SYT1: variants seen among roughly 807,000 people sequenced by gnomAD.
The protein encoded by SYT1 is synaptotagmin 1.
SYT1 carries 8 observed loss-of-function variants against 44.8 expected under a neutral mutation model. That is an observed-to-expected ratio of 0.18 (90% CI 0.10 to 0.32). The LOEUF (loss-of-function observed/expected upper bound fraction) is 0.32, where lower values mean the gene tolerates loss of function less well. Ranked by LOEUF, SYT1 falls within the 10% of genes least tolerant of loss-of-function variation. SYT1 has a pLI of 1.00. For missense variants in SYT1, 286 were observed against 509.3 expected, an observed-to-expected ratio of 0.56 and a Z score of 4.22; for synonymous variants, 154 against 188.8, an observed-to-expected ratio of 0.82 and a Z score of 1.51.
chr12:79,398,158 A>G (rs569154784), intron 9 of SYT1, among the ~76,000 whole-genome samples: 2 of 152,298 alleles, frequency 1.3e-5, no homozygotes, highest in Admixed American at 1.3e-4. Flanking sequence ...AGTCTGATCC[A>G]CAGAATAAGG....
chr12:79,233,083 T>C (rs930046698), intron 4 of SYT1, among the ~76,000 whole-genome samples: 7 of 152,212 alleles, frequency 4.6e-5, no homozygotes, highest in Non-Finnish European at 7.3e-5. Flanking sequence ...AAAATGTTCA[T>C]TGTTTATTTT....
chr12:79,255,636 ACT>A (rs1877471261), intron 4 of SYT1, among the ~76,000 whole-genome samples: 1 of 152,142 alleles, frequency 6.6e-6, no homozygotes, highest in South Asian at 2.1e-4. Flanking sequence ...ACAATTCAGC[ACT>A]CTCTTAGCAA....
chr12:79,118,012 T>C (rs193265229), intron 3 of SYT1, among the ~76,000 whole-genome samples: 199 of 152,156 alleles, frequency 1.3e-3, no homozygotes, highest in Non-Finnish European at 2.0e-3. Flanking sequence ...TTAGCAAATC[T>C]GTAGCACAGA....
chr12:79,338,032 T>C (rs569483669), intron 8 of SYT1, among the ~76,000 whole-genome samples: 35 of 152,278 alleles, frequency 2.3e-4, no homozygotes, highest in African/African-American at 8.2e-4. Context: ...ACAAAGCAAC[T>C]TGGTAAAAGG....
At chr12:79,101,581 C>T (rs953346271) in intron 3 of SYT1, among the ~76,000 whole-genome samples, 1 of 152,082 alleles carries the variant, frequency 6.6e-6, no homozygotes, top group Admixed American at 6.6e-5. Flanking sequence ...AAGAACTGTC[C>T]ACTTAAAATG....
At chr12:79,149,636 G>C (rs1870142169) in intron 3 of SYT1, among the ~76,000 whole-genome samples, 1 of 152,064 alleles carries the variant, frequency 6.6e-6, no homozygotes, top group Non-Finnish European at 1.5e-5. Context: ...GGAAAAGATT[G>C]ATAAGTGATA....
intron 4 of SYT1, among the ~76,000 whole-genome samples, chr12:79,238,269 T>C (rs1876304183): frequency 6.6e-6 from 1 of 152,174 alleles, no homozygotes; most frequent in Non-Finnish European, 1.5e-5. Context: ...ACTCTAATCC[T>C]TTGTGGGCTT....
intron 4 of SYT1, among the ~76,000 whole-genome samples, chr12:79,233,281 A>T (rs1018564159): frequency 2.6e-5 from 4 of 152,160 alleles, no homozygotes; most frequent in African/African-American, 7.2e-5. Flanking sequence ...ATGTCCAGAA[A>T]ATAAGATTAG....
At chr12:79,089,891 C>G (rs1225971110) in intron 3 of SYT1, among the ~76,000 whole-genome samples, 1 of 152,046 alleles carries the variant, frequency 6.6e-6, no homozygotes, top group Non-Finnish European at 1.5e-5. Flanking sequence ...CTAATTCACT[C>G]AAAACTCAGA....
At chr12:79,309,558 A>C (rs1880658214) in intron 8 of SYT1, among the ~76,000 whole-genome samples, 1 of 152,176 alleles carries the variant, frequency 6.6e-6, no homozygotes, top group Non-Finnish European at 1.5e-5. Flanking sequence ...GGGAGGCCAA[A>C]GATTTTTAAA....
chr12:79,172,968 TC>T, intron 3 of SYT1, among the ~76,000 whole-genome samples: 1 of 7,942 alleles, frequency 1.3e-4, no homozygotes. Context: ...GTTCCTGCTC[TC>T]AAAAAAAAAA....
intron 9 of SYT1, among the ~76,000 whole-genome samples, chr12:79,361,238 C>T (rs946236010): frequency 5.9e-5 from 9 of 152,156 alleles, no homozygotes; most frequent in African/African-American, 2.2e-4. Flanking sequence ...ATCCCCAGTA[C>T]AACCCTATGA....
In SYT1 at chr12:79,217,577, A is replaced by T; in HGVS notation, c.58A>T (p.Thr20Ser). ...LAAPPVTTVATVLPSNATEPA... is the reference protein window; with the variant it reads ...LAAPPVTTVASVLPSNATEPA... ...AGCCCCGCCTGTCACCACTGTCGCGACTGTTCTGCCAAGCAACGCCACAGA... is the reference window on the plus strand; with the variant it reads ...AGCCCCGCCTGTCACCACTGTCGCGTCTGTTCTGCCAAGCAACGCCACAGA... The change falls in exon 4 of 11, where the codon ACT becomes TCT. Residue 20 changes from threonine (T) to serine (S), a missense_variant. Around this residue, in one of 6 missense-constraint regions of SYT1, gnomAD observed 141 missense variants for 165.7 expected, o/e 0.85. Transcript: ENST00000261205. 1.9e-6 allele frequency: 3 copies of T among 1,612,918 alleles called. No individual in the cohort carries two copies. The highest frequency in any genetic ancestry group is 2.5e-6 in the Non-Finnish European group (3 of 1,179,506).
intron 4 of SYT1, among the ~76,000 whole-genome samples, chr12:79,223,269 C>T (rs759009303): frequency 5.9e-5 from 9 of 152,180 alleles, no homozygotes; most frequent in Non-Finnish European, 1.0e-4. Context: ...TCTGTGAAAG[C>T]CCTGCAGTAG....
chr12:78,865,837 T>G (rs1873513057), intron 1 of SYT1, among the ~76,000 whole-genome samples: 1 of 152,286 alleles, frequency 6.6e-6, no homozygotes, highest in South Asian at 2.1e-4. Context: ...ACTTTTCCTG[T>G]TTCCATCTGT....
At chr12:79,247,799 G>T (rs1012166746) in intron 4 of SYT1, among the ~76,000 whole-genome samples, 5 of 152,008 alleles carry the variant, frequency 3.3e-5, no homozygotes, top group Non-Finnish European at 7.4e-5. Flanking sequence ...AATAAGAGTT[G>T]AAAAACAGCT....
At chr12:79,103,051 G>A (rs988185104) in intron 3 of SYT1, 2 of 152,068 alleles carry the variant, frequency 1.3e-5, no homozygotes, top group African/African-American at 4.8e-5. Context: ...TTTACCCCAG[G>A]TCAAGTAAGT....
intron 1 of SYT1, among the ~76,000 whole-genome samples, chr12:78,944,887 G>A (rs1313892825): frequency 6.6e-6 from 1 of 152,136 alleles, no homozygotes; most frequent in East Asian, 1.9e-4. Flanking sequence ...GATTAATGTA[G>A]AATAATTTTG....
At chr12:79,000,397 G>A (rs780661186) in intron 2 of SYT1, among the ~76,000 whole-genome samples, 1 of 149,962 alleles carries the variant, frequency 6.7e-6, no homozygotes, top group African/African-American at 2.5e-5. Flanking sequence ...GGGTTCAAGC[G>A]ATTCTCCTGC....
Sources: allele counts gnomAD v4.1 joint callset (sites outside exome capture counted in the v4.1 genomes callset), GRCh38; gene constraint gnomAD v4.1.1; regional missense constraint gnomAD v4.1.1; transcripts MANE v1.5; gene names NCBI Gene and HGNC (gene_info 2026-07-23, HGNC 2026-07-21).